The following PLBD2 variants were observed in gnomAD, a reference collection of about 807,000 sequenced individuals.
PLBD2 encodes putative aminopeptidase PLBD2.
PLBD2 carries 51 observed loss-of-function variants against 68.3 expected under a neutral mutation model. That is an observed-to-expected ratio of 0.75 (90% CI 0.60 to 0.94). PLBD2 has a LOEUF of 0.94. Ranked by LOEUF, PLBD2 falls within the 40% of genes least tolerant of loss-of-function variation. The pLI, the probability that PLBD2 is intolerant of heterozygous loss-of-function variation, is 0.00. For synonymous variants in PLBD2, 314 were observed against 339.3 expected (o/e 0.93, Z 0.82); for missense variants, 729 against 792.2 (o/e 0.92, Z 0.96).
At chr12:113,387,598 G>A in intron 10 of PLBD2, 146 bp from the exon 11 acceptor site, 1 of 870,032 alleles carries the variant, frequency 1.1e-6, no homozygotes, top group Non-Finnish European at 1.8e-6. Flanking sequence ...CCCAGGCAGA[G>A]GAACTGTCGG....
In PLBD2 at chr12:113,358,628, G is replaced by C. The variant is rs777585011; in HGVS notation, c.28G>C (p.Gly10Arg). 11 of 1,467,962 alleles carry C rather than the reference G, an allele frequency of 7.5e-6. No homozygotes were observed. Among genetic ancestry groups the C allele is most frequent in the Non-Finnish European group, 9.8e-6 (11 of 1,117,330 alleles). 90.9% of individuals were successfully genotyped at this position (1,467,962 alleles called of 1,614,324 possible). The change falls in exon 1 of 12, where the codon GGC becomes CGC. Residue 10 changes from glycine (G) to arginine (R), a missense_variant. Transcript: ENST00000280800. MVGQMYCYP[G>R]SHLARALTRA... ...GGTGGGCCAGATGTACTGCTACCCC[G>C]GCAGCCACCTGGCCCGGGCGCTGAC...
At chr12:113,387,656 G>A (rs1433046915) in intron 10 of PLBD2, 88 bp from the exon 11 acceptor site, 12 of 1,410,622 alleles carry the variant, frequency 8.5e-6, no homozygotes, top group South Asian at 7.6e-5. Flanking sequence ...GCTGGCAGCT[G>A]TTAACGGGGC....
chr12:113,369,528 C>T (rs1002526708), intron 2 of PLBD2, among the ~76,000 whole-genome samples: 4 of 152,146 alleles, frequency 2.6e-5, no homozygotes, highest in South Asian at 2.1e-4. Flanking sequence ...GTAGGCACAA[C>T]TCGAATGCCC....
intron 5 of PLBD2, among the ~76,000 whole-genome samples, chr12:113,379,307 CAA>C (rs759130410): frequency 5.4e-4 from 25 of 46,468 alleles, no homozygotes; most frequent in Middle Eastern, 0.01. Context: ...GACTCTGTCT[CAA>C]AAAAAAAAAA....
chr12:113,382,137 GACACATAA>G (rs1235137163), intron 6 of PLBD2, among the ~76,000 whole-genome samples: 1 of 152,076 alleles, frequency 6.6e-6, no homozygotes, highest in Admixed American at 6.6e-5. Flanking sequence ...AGTGTTTTTA[GACACATAA>G]ACCAAAATGT....
intron 5 of PLBD2, among the ~76,000 whole-genome samples, chr12:113,378,836 C>G (rs1593287412): frequency 2.0e-5 from 3 of 152,154 alleles, no homozygotes; most frequent in Admixed American, 2.0e-4. Context: ...CGGGCATGCA[C>G]CCCCAACCTG....
At chr12:113,363,021 C>T (rs1350920012) in intron 1 of PLBD2, among the ~76,000 whole-genome samples, 1 of 151,288 alleles carries the variant, frequency 6.6e-6, no homozygotes, top group African/African-American at 2.4e-5. Context: ...GTCTTGAACT[C>T]CTGACGTCAG....
At chr12:113,364,198 T>C (rs992299636) in intron 1 of PLBD2, among the ~76,000 whole-genome samples, 2 of 152,224 alleles carry the variant, frequency 1.3e-5, no homozygotes, top group South Asian at 4.1e-4. Context: ...ACTGCCCGTC[T>C]CCGGGGCCTC....
chr12:113,361,837 C>G (rs1957299517), intron 1 of PLBD2, among the ~76,000 whole-genome samples: 1 of 152,158 alleles, frequency 6.6e-6, no homozygotes, highest in Non-Finnish European at 1.5e-5. Context: ...GATCTGATCC[C>G]ACTGACCAGC....
At position 113,384,447 on chromosome 12, in the gene PLBD2, C is replaced by T. The variant is rs1957529315; in HGVS notation, c.1118+182C>T. On this transcript the variant is annotated intron_variant, in intron 7 of 11. Coordinates refer to ENST00000280800, the MANE Select transcript of PLBD2 (RefSeq NM_173542.4). This position sits in a 1 kb window ranked among gnomAD's most constrained non-coding sequence, Gnocchi z 4.2. ...AAAGGATTTGCCCCTCCCCTGCAGG[C>T]TCCTCAGCCTAGGAAGGGGTGCCTT... 1.3e-5 allele frequency among the ~76,000 whole-genome samples: 2 copies of T among 152,190 alleles called. No homozygotes were observed. Among genetic ancestry groups the T allele is most frequent in the African/African-American group, 4.8e-5 (2 of 41,438 alleles).
At chr12:113,387,984 G>A in intron 11 of PLBD2, 78 bp downstream of exon 11, 1 of 1,533,024 alleles carries the variant, frequency 6.5e-7, no homozygotes, top group Non-Finnish European at 9.0e-7. Context: ...GACAGGTTGG[G>A]GCAAAGCTGA....
rs541899966 is a variant in PLBD2, at chr12:113,374,129, C to T, written c.544-345C>T. ...TGCATGAGACAGGTGCCCGAGGCAG[C>T]AATACAGTCAGTACTGAACTCAGAA... On this transcript the variant is annotated intron_variant, in intron 3 of 11. Coordinates refer to ENST00000280800, the MANE Select transcript of PLBD2 (RefSeq NM_173542.4). Among the ~76,000 whole-genome samples the T allele has an allele frequency of 2.6e-5, 4 of 152,206 alleles. No homozygotes were observed. The East Asian group carries it at 7.7e-4, about 29-fold the overall frequency.
intron 10 of PLBD2, among the ~76,000 whole-genome samples, chr12:113,387,354 A>G (rs1957562312): frequency 6.6e-6 from 1 of 152,208 alleles, no homozygotes; most frequent in Non-Finnish European, 1.5e-5. Context: ...ACCAGGAGCA[A>G]CAGGTAGAAA....
intron 9 of PLBD2, 78 bp downstream of exon 9, chr12:113,385,361 A>G (rs185541004): frequency 7.4e-7 from 1 of 1,352,008 alleles, no homozygotes; most frequent in East Asian, 2.3e-5. Context: ...TTCCTAGGCA[A>G]TGTTTTTAAA....
At chr12:113,363,034 G>T (rs538364748) in intron 1 of PLBD2, among the ~76,000 whole-genome samples, 22 of 151,756 alleles carry the variant, frequency 1.4e-4, no homozygotes, top group Non-Finnish European at 2.8e-4. Context: ...GACGTCAGGT[G>T]ATCTGCCCAC....
At position 113,376,483 on chromosome 12, in the gene PLBD2, A is replaced by G. The variant is rs138120179; in HGVS notation, c.859+1476A>G. Among the ~76,000 whole-genome samples, 93 of 152,288 alleles carry G rather than the reference A, an allele frequency of 6.1e-4. 1 individual carries two copies. The highest frequency in any genetic ancestry group is 2.2e-3 in the African/African-American group (93 of 41,578). On this transcript the variant is annotated intron_variant, in intron 5 of 11. Transcript: ENST00000280800. ...CTGGCTGACACAGCATTCTTTATCC[A>G]AATCAAGTCAGGTGGCCAGCCCAGG...
At chr12:113,385,329 A>G (rs750592856) in intron 9 of PLBD2, 46 bp downstream of exon 9, 1 of 1,542,854 alleles carries the variant, frequency 6.5e-7, no homozygotes, top group Non-Finnish European at 9.0e-7. Flanking sequence ...CAGGGCATCC[A>G]CCTCACTCCT....
intron 2 of PLBD2, among the ~76,000 whole-genome samples, chr12:113,370,308 C>G (rs1366018894): frequency 1.3e-5 from 2 of 151,922 alleles, no homozygotes; most frequent in Non-Finnish European, 2.9e-5. Context: ...GTGGGTGCCT[C>G]TAGGGATAGA....
At position 113,384,910 on chromosome 12, in the gene PLBD2, C is replaced by T; in HGVS notation, c.1178C>T (p.Pro393Leu). The change falls in exon 8 of 12, where the codon CCC (proline) becomes CTC (leucine). Residue 393 changes from proline (P) to leucine (L), a missense_variant. Physicochemically the swap from Pro to Leu is moderately conservative, Grantham distance 98. Coordinates refer to ENST00000280800, the MANE Select transcript of PLBD2 (RefSeq NM_173542.4). The surrounding 1 kb of genome is among the most constrained non-coding windows in gnomAD (Gnocchi z 4.2). Reference sequence around the variant, plus strand: ...GCGTTCATCCCGGGTGGGCCCAGCCCCGGGAGCCGGGTGCTTACCATCCTG... The same window carrying T: ...GCGTTCATCCCGGGTGGGCCCAGCCTCGGGAGCCGGGTGCTTACCATCCTG... ...YKAFIPGGPS[P>L]GSRVLTILEQ... 1.2e-6 allele frequency: 2 copies of T among 1,613,746 alleles called. No individual in the cohort carries two copies. The highest frequency in any genetic ancestry group is 2.2e-5 in the South Asian group (2 of 91,060).
Sources: gnomAD v4.1 joint callset for allele counts (sites outside exome capture counted in the v4.1 genomes callset) on GRCh38, gnomAD v4.1.1 for gene constraint, Gnocchi (gnomAD v3.1) non-coding constraint, MANE v1.5 for transcripts, NCBI Gene and HGNC (gene_info 2026-07-23, HGNC 2026-07-21) for gene names.